Variants in LARGE1 observed in about 807,000 individuals in gnomAD.
The protein encoded by LARGE1 is xylosyl- and glucuronyltransferase LARGE1.
Under a neutral mutation model 87.6 loss-of-function variants are expected in LARGE1, and 43 were observed. The observed-to-expected ratio is 0.49, with a 90% CI of 0.38 to 0.63. LARGE1 has a LOEUF of 0.63. Among genes scored for constraint, LARGE1 ranks in the 30% least tolerant of loss-of-function variants. The probability of loss-of-function intolerance (pLI) is 0.00; values close to 1 mark genes in which losing one functional copy is unlikely to be tolerated. For missense variants in LARGE1, 802 were observed against 1,000.2 expected, an observed-to-expected ratio of 0.80 and a Z score of 2.67; for synonymous variants, 434 against 394.6, an observed-to-expected ratio of 1.10 and a Z score of -1.18.
chr22:33,849,545 T>C (rs2283953), intron 1 of LARGE1, among the ~76,000 whole-genome samples: 60,040 of 150,702 alleles, frequency 0.4, 12,089 homozygotes, highest in Admixed American at 0.51. Context: ...CACCAGGCTA[T>C]GAGTTTTCAA....
At chr22:33,259,271 TGA>T in intron 11 of LARGE1, among the ~76,000 whole-genome samples, 1 of 151,788 alleles carries the variant, frequency 6.6e-6, no homozygotes, top group Admixed American at 6.6e-5. Context: ...TAAGGACAAG[TGA>T]GAGAGAAGGC....
the LARGE1 span, among the ~76,000 whole-genome samples, chr22:33,090,451 G>A: frequency 6.6e-6 from 1 of 152,152 alleles, no homozygotes; most frequent in Non-Finnish European, 1.5e-5. Context: ...AGAGCACTGG[G>A]CACAAGCTTG....
rs138076617 is a variant in LARGE1, at chr22:33,765,787, T to C, written c.-82-4229A>G. Among the ~76,000 whole-genome samples the C allele has an allele frequency of 1.6e-3, 239 of 151,812 alleles. 1 individual carries two copies. Among genetic ancestry groups the C allele is most frequent in the East Asian group, 0.01 (53 of 5,166 alleles). On this transcript the variant is annotated intron_variant, in intron 1 of 14. Transcript: ENST00000397394. ...GAGGAGGATAGGAACTGAACTCATT[T>C]GGCATTAATAATATTCAAATAACAC...
At chr22:33,310,569 T>C (rs1352237787) in intron 11 of LARGE1, among the ~76,000 whole-genome samples, 1 of 152,150 alleles carries the variant, frequency 6.6e-6, no homozygotes, top group Non-Finnish European at 1.5e-5. Context: ...AGGCCGGCTC[T>C]CCTAATTCGT....
At chr22:33,102,700 A>G in the LARGE1 span, among the ~76,000 whole-genome samples, 1 of 151,656 alleles carries the variant, frequency 6.6e-6, no homozygotes, top group African/African-American at 2.4e-5. Flanking sequence ...CATGTTGAGC[A>G]GGCTAGTCTT....
intron 6 of LARGE1, among the ~76,000 whole-genome samples, chr22:33,541,201 G>GA (rs11368503): frequency 0.82 from 109,820 of 133,634 alleles, 45,282 homozygotes; most frequent in East Asian, 0.98. Flanking sequence ...GGGAAAAAAA[G>GA]AAAAAAAAAA....
At chr22:33,166,253 A>C (rs1365391275) in exon 12 of LARGE1, 2 of 153,330 alleles carry the variant, frequency 1.3e-5, no homozygotes, top group African/African-American at 4.8e-5. Flanking sequence ...TCCCCACTCA[A>C]GTCTGCCTTT....
intron 2 of LARGE1, among the ~76,000 whole-genome samples, chr22:33,660,198 A>G (rs985171005): frequency 6.6e-6 from 1 of 150,670 alleles, no homozygotes; most frequent in African/African-American, 2.4e-5. Flanking sequence ...CTGCTTCTAT[A>G]ACTGGCCCGT....
intron 6 of LARGE1, among the ~76,000 whole-genome samples, chr22:33,545,174 T>C (rs146121917): frequency 2.0e-4 from 31 of 152,210 alleles, no homozygotes; most frequent in African/African-American, 5.8e-4. Context: ...TTGTATTCCC[T>C]ACTTAATCTG....
chr22:33,497,812 C>T (rs937324422), intron 6 of LARGE1, among the ~76,000 whole-genome samples: 2 of 152,010 alleles, frequency 1.3e-5, no homozygotes, highest in African/African-American at 4.8e-5. Context: ...AGAGCCTTTG[C>T]GTACTTCATC....
intron 11 of LARGE1, among the ~76,000 whole-genome samples, chr22:33,170,543 C>T (rs960151160): frequency 3.3e-5 from 5 of 151,974 alleles, no homozygotes; most frequent in South Asian, 2.1e-4. Flanking sequence ...ATGCTGTTCT[C>T]GTGACAATGA....
chr22:33,491,077 G>C (rs2069819398), intron 6 of LARGE1, among the ~76,000 whole-genome samples: 1 of 152,112 alleles, frequency 6.6e-6, no homozygotes, highest in Admixed American at 6.5e-5. Flanking sequence ...TTGTTTACAA[G>C]GATCTTCTCT....
chr22:33,070,873 G>C, the LARGE1 span, among the ~76,000 whole-genome samples: 2 of 152,168 alleles, frequency 1.3e-5, no homozygotes, highest in Non-Finnish European at 2.9e-5. Context: ...AAAGTAGTTT[G>C]GGTTTCTTAA....
intron 5 of LARGE1, among the ~76,000 whole-genome samples, chr22:33,573,939 T>A (rs948988966): frequency 2.0e-5 from 3 of 149,640 alleles, no homozygotes; most frequent in African/African-American, 7.6e-5. Context: ...CATGCTGGCT[T>A]CCCCCAAAGT....
chr22:33,796,296 G>A (rs919384578), intron 1 of LARGE1, among the ~76,000 whole-genome samples: 14 of 152,304 alleles, frequency 9.2e-5, no homozygotes, highest in Non-Finnish European at 1.0e-4. Context: ...CTAAGAGTTG[G>A]TTTCAACGAG....
chr22:33,110,002 A>G, the LARGE1 span, among the ~76,000 whole-genome samples: 1 of 152,214 alleles, frequency 6.6e-6, no homozygotes, highest in Non-Finnish European at 1.5e-5. Flanking sequence ...GTCTCAGGGA[A>G]TCCTTTACGG....
chr22:33,514,018 G>A (rs112399398), intron 6 of LARGE1, among the ~76,000 whole-genome samples: 2 of 152,100 alleles, frequency 1.3e-5, no homozygotes, highest in Non-Finnish European at 2.9e-5. Flanking sequence ...ATGCTGCCCA[G>A]GCTGTAGCCT....
At chr22:33,739,991 T>G (rs1179143732) in intron 2 of LARGE1, among the ~76,000 whole-genome samples, 1 of 152,186 alleles carries the variant, frequency 6.6e-6, no homozygotes, top group African/African-American at 2.4e-5. Flanking sequence ...AGGCACTGTG[T>G]GGTATGATAC....
At chr22:33,696,002 G>A (rs565355859) in intron 2 of LARGE1, among the ~76,000 whole-genome samples, 1 of 152,168 alleles carries the variant, frequency 6.6e-6, no homozygotes, top group Non-Finnish European at 1.5e-5. Flanking sequence ...CTTTGGGTAA[G>A]CTTTCTCTCA....
Sources: gnomAD v4.1 joint callset for allele counts (sites outside exome capture counted in the v4.1 genomes callset) on GRCh38, gnomAD v4.1.1 for gene constraint, MANE v1.5 for transcripts, NCBI Gene and HGNC (gene_info 2026-07-23, HGNC 2026-07-21) for gene names.